Variants in CAV1 observed in about 807,000 individuals in gnomAD.
The protein encoded by CAV1 is caveolin-1.
Under a neutral mutation model 16.5 loss-of-function variants are expected in CAV1, and 10 were observed. The ratio of observed to expected loss-of-function variants is 0.61; its 90% CI spans 0.37 to 1.03. CAV1 has a LOEUF of 1.03. CAV1 is among the 50% of genes least tolerant of loss of function. The pLI, the probability that CAV1 is intolerant of heterozygous loss-of-function variation, is 0.01. For missense variants in CAV1, 212 were observed against 232.8 expected (o/e 0.91, Z 0.58); for synonymous variants, 76 against 85.1 (o/e 0.89, Z 0.59).
At position 116,560,692 on chromosome 7, in the gene CAV1, C is replaced by T. The variant is rs1458922846; in HGVS notation, c.*1405C>T. The T allele has an allele frequency of 6.6e-6, 1 of 152,570 alleles. No homozygotes were observed. Among genetic ancestry groups the T allele is most frequent in the Non-Finnish European group, 1.5e-5 (1 of 68,032 alleles). The allele number at this position is 152,570 out of a possible 1,614,324, so 9.5% of individuals were successfully genotyped here. On this transcript the variant is annotated 3_prime_UTR_variant, in exon 3 of 3. Coordinates refer to ENST00000341049, the MANE Select transcript of CAV1 (RefSeq NM_001753.5). ...TGGTATATCCAAAAGCTTTTTATTC[C>T]TCCTGCTCATATTGTGATTCTGCCT...
At chr7:116,534,388 TATA>T (rs1562830023) in intron 2 of CAV1, among the ~76,000 whole-genome samples, 1 of 15,182 alleles carries the variant, frequency 6.6e-5, no homozygotes, top group African/African-American at 2.4e-4. Context: ...TATATATATA[TATA>T]TATATTTTTT....
chr7:116,554,420 A>G (rs549678427), intron 2 of CAV1, among the ~76,000 whole-genome samples: 9 of 152,238 alleles, frequency 5.9e-5, no homozygotes, highest in Non-Finnish European at 1.2e-4. Flanking sequence ...AAGGAGACCT[A>G]GAGATATGAA....
At chr7:116,541,460 T>C (rs1793934008) in intron 2 of CAV1, among the ~76,000 whole-genome samples, 1 of 152,016 alleles carries the variant, frequency 6.6e-6, no homozygotes, top group Admixed American at 6.6e-5. Context: ...TTTAAAAAAG[T>C]GTTAGGTAGG....
rs553664696 is a variant in CAV1 at position 116,560,869 on chromosome 7, T to A, written c.*1582T>A. On this transcript the variant is annotated 3_prime_UTR_variant, in exon 3 of 3. Coordinates refer to ENST00000341049, the MANE Select transcript of CAV1 (RefSeq NM_001753.5). ...TTTGCATTTAAAACAGACACTGGCA[T>A]GGATATAGTTTTACTTTTAAACTGT... 1.3e-5 allele frequency: 2 copies of A among 152,740 alleles called. No homozygotes were observed. The highest frequency in any genetic ancestry group is 4.1e-4 in the South Asian group (2 of 4,828). The allele number at this position is 152,740 out of a possible 1,614,324, so 9.5% of individuals were successfully genotyped here.
intron 2 of CAV1, among the ~76,000 whole-genome samples, chr7:116,540,264 G>A (rs1192633964): frequency 6.6e-6 from 1 of 152,106 alleles, no homozygotes; most frequent in Non-Finnish European, 1.5e-5. Flanking sequence ...ACACATTAAT[G>A]ACTCTGAAAG....
chr7:116,533,495 C>A (rs1302083177), intron 2 of CAV1, among the ~76,000 whole-genome samples: 1 of 152,036 alleles, frequency 6.6e-6, no homozygotes, highest in Non-Finnish European at 1.5e-5. Context: ...GAGACAAAAT[C>A]TTGCTCTGTT....
chr7:116,559,191 C>T lies in CAV1; in HGVS notation c.441C>T (p.Val147=). 1 of 1,613,964 alleles carries T rather than the reference C, an allele frequency of 6.2e-7. No homozygotes were observed. The highest frequency in any genetic ancestry group is 8.5e-7 in the Non-Finnish European group (1 of 1,179,874). ...FLIEIQCISR[V]YSIYVHTVCD... ...TTGAGATTCAGTGCATCAGCCGTGTCTATTCCATCTACGTCCACACCGTCT... is the reference window on the plus strand; with the variant it reads ...TTGAGATTCAGTGCATCAGCCGTGTTTATTCCATCTACGTCCACACCGTCT... The change falls in exon 3 of 3, where the codon GTC becomes GTT. Residue 147 remains valine, a synonymous_variant. Transcript: ENST00000341049.
chr7:116,537,485 G>T (rs75721194), intron 2 of CAV1, among the ~76,000 whole-genome samples: 1 of 152,080 alleles, frequency 6.6e-6, no homozygotes, highest in Non-Finnish European at 1.5e-5. Context: ...TATTCCTTTT[G>T]CAGATAAGGA....
At chr7:116,529,220 A>C (rs1208333081) in intron 2 of CAV1, among the ~76,000 whole-genome samples, 1 of 152,202 alleles carries the variant, frequency 6.6e-6, no homozygotes, top group Non-Finnish European at 1.5e-5. Flanking sequence ...ATGGTAGCTT[A>C]AAACTTCACA....
rs35386406 is a variant in CAV1 at position 116,560,144 on chromosome 7, T to C, written c.*857T>C. The C allele has an allele frequency of 4.2e-3, 1,192 of 282,888 alleles. 12 individuals are homozygous for C. Among genetic ancestry groups the C allele is most frequent in the African/African-American group, 0.023 (1,082 of 46,148 alleles). 17.5% of individuals were successfully genotyped at this position (282,888 alleles called of 1,614,324 possible). A position where few individuals can be genotyped will look rare whatever the true frequency, so the allele number is the denominator to read the frequency against. On this transcript the variant is annotated 3_prime_UTR_variant, in exon 3 of 3. Coordinates refer to ENST00000341049, the MANE Select transcript of CAV1 (RefSeq NM_001753.5). Reference sequence around the variant, plus strand: ...ACATCTTTATCCGTAGTGGGTATGGTTGACACTAGCCCAATGAAATGAATT... The same window carrying C: ...ACATCTTTATCCGTAGTGGGTATGGCTGACACTAGCCCAATGAAATGAATT...
chr7:116,525,873 G>C (rs1050606376), intron 1 of CAV1: 1 of 982,260 alleles, frequency 1.0e-6, no homozygotes. Flanking sequence ...GGACTTTCGG[G>C]ATTGTGATCA....
chr7:116,534,393 A>ATTTTTTTTT (rs1451265934), intron 2 of CAV1, among the ~76,000 whole-genome samples: 1 of 6,884 alleles, frequency 1.5e-4, no homozygotes, highest in Non-Finnish European at 2.7e-4. Context: ...ATATATATAT[A>ATTTTTTTTT]TATTTTTTTT....
At chr7:116,526,248 T>G in intron 1 of CAV1, 1 of 1,191,658 alleles carries the variant, frequency 8.4e-7, no homozygotes, top group Non-Finnish European at 1.1e-6. Context: ...CGGCGGGGCC[T>G]GCCCTGACCC....
chr7:116,538,432 G>A (rs893762098), intron 2 of CAV1, among the ~76,000 whole-genome samples: 2 of 152,160 alleles, frequency 1.3e-5, no homozygotes, highest in African/African-American at 2.4e-5. Context: ...GTAATATATG[G>A]CTGGAAATGG....
chr7:116,540,235 A>G (rs1793908469), intron 2 of CAV1, among the ~76,000 whole-genome samples: 1 of 152,210 alleles, frequency 6.6e-6, no homozygotes, highest in Admixed American at 6.5e-5. Flanking sequence ...CAGGAAAAAG[A>G]AAAACAACAA....
At chr7:116,542,746 A>G (rs1205190582) in intron 2 of CAV1, 1 of 152,150 alleles carries the variant, frequency 6.6e-6, no homozygotes, top group Non-Finnish European at 1.5e-5. Context: ...TTGCCTGTTT[A>G]TTTTTAATTC....
At position 116,530,744 on chromosome 7, in the gene CAV1, A is replaced by T. The variant is rs1793672084; in HGVS notation, c.195+4055A>T. Reference sequence around the variant, plus strand: ...ATTTCATGTGGCAGAGTGGTAGGTGATAAAGGTGAAAAGACTGATCATAGT... The same window carrying T: ...ATTTCATGTGGCAGAGTGGTAGGTGTTAAAGGTGAAAAGACTGATCATAGT... On this transcript the variant is annotated intron_variant, in intron 2 of 2. Coordinates refer to ENST00000341049, the MANE Select transcript of CAV1 (RefSeq NM_001753.5). Among the ~76,000 whole-genome samples the T allele has an allele frequency of 2.0e-5, 3 of 151,900 alleles. No individual in the cohort carries two copies. The South Asian group carries it at 6.2e-4, about 32-fold the overall frequency.
At position 116,531,449 on chromosome 7, in the gene CAV1, T is replaced by C. The variant is rs558014661; in HGVS notation, c.195+4760T>C. On this transcript the variant is annotated intron_variant, in intron 2 of 2. Transcript: ENST00000341049. ...GTGATAATCAGATCAGTTTTGGTTA[T>C]AGTACAAAGGTTTAATGCCTCCGTG... 1.4e-3 allele frequency among the ~76,000 whole-genome samples: 214 copies of C among 152,368 alleles called. 1 individual carries two copies. Among genetic ancestry groups the C allele is most frequent in the Non-Finnish European group, 2.6e-3 (178 of 68,038 alleles).
chr7:116,541,397 A>T (rs1216175500), intron 2 of CAV1, among the ~76,000 whole-genome samples: 2 of 152,194 alleles, frequency 1.3e-5, no homozygotes, highest in Non-Finnish European at 2.9e-5. Flanking sequence ...CTCAGACGCA[A>T]TTACCATTCA....
Sources: allele counts gnomAD v4.1 joint callset (sites outside exome capture counted in the v4.1 genomes callset), GRCh38; gene constraint gnomAD v4.1.1; transcripts MANE v1.5; gene names NCBI Gene and HGNC (gene_info 2026-07-23, HGNC 2026-07-21).